The following ANKRD28 variants were observed in gnomAD, a reference collection of about 807,000 sequenced individuals.
ANKRD28 encodes ankyrin repeat domain 28, also known as serine/threonine-protein phosphatase 6 regulatory ankyrin repeat subunit A.
In ANKRD28, 44 loss-of-function variants were observed where a neutral mutation model predicts 126.5. That is an observed-to-expected ratio of 0.35 (90% confidence interval 0.27 to 0.45). The LOEUF (loss-of-function observed/expected upper bound fraction) is 0.45. ANKRD28 is among the 20% of genes least tolerant of loss of function. The pLI, the probability that ANKRD28 is intolerant of heterozygous loss-of-function variation, is 1.00. For missense variants in ANKRD28, 1,110 were observed against 1,316.6 expected, an observed-to-expected ratio of 0.84 and a Z score of 2.43; for synonymous variants, 442 against 468.5, an observed-to-expected ratio of 0.94 and a Z score of 0.73.
At chr3:15,852,998 G>A (rs1356927725) in intron 1 of ANKRD28, among the ~76,000 whole-genome samples, 7 of 151,820 alleles carry the variant, frequency 4.6e-5, no homozygotes, top group South Asian at 2.1e-4. Context: ...AATCAGTATC[G>A]CTTAAGGAGG....
chr3:15,727,272 T>C (rs2074238539), intron 6 of ANKRD28, among the ~76,000 whole-genome samples: 1 of 152,110 alleles, frequency 6.6e-6, no homozygotes, highest in South Asian at 2.1e-4. Flanking sequence ...TTCATCATTC[T>C]AGATGCCATT....
intron 1 of ANKRD28, among the ~76,000 whole-genome samples, chr3:15,825,802 C>T (rs1403131671): frequency 6.6e-6 from 1 of 152,112 alleles, no homozygotes; most frequent in Admixed American, 6.5e-5. Context: ...AAAAAATAGG[C>T]AATTCACAAA....
At chr3:15,783,231 C>T (rs1437520826) in intron 2 of ANKRD28, among the ~76,000 whole-genome samples, 3 of 151,678 alleles carry the variant, frequency 2.0e-5, no homozygotes, top group Non-Finnish European at 4.4e-5. Flanking sequence ...ATTAAAAAAA[C>T]TCACAAGAAC....
chr3:15,735,453 A>G lies in ANKRD28; in HGVS notation c.597T>C (p.Phe199=). 1 of 1,560,696 alleles carries G rather than the reference A, an allele frequency of 6.4e-7. No individual in the cohort carries two copies. ...GGATAGCACGCCTATCTTTCTTGTC[A>G]AAAGCATTAATATTGGCACCTCTAG... ...LLSRGANINA[F]DKKDRRAIHW... is the part of the protein sequence containing the mutation. The change falls in exon 6 of 28, where the codon TTT becomes TTC. Residue 199 remains phenylalanine (F), a synonymous_variant. Transcript: ENST00000683139.
At chr3:15,695,549 T>C (rs78183492) in intron 15 of ANKRD28, among the ~76,000 whole-genome samples, 2,296 of 152,288 alleles carry the variant, frequency 0.015, 28 homozygotes, top group Non-Finnish European at 0.025. Context: ...CAAAGTTTAA[T>C]GTAATTTATA....
chr3:15,718,040 T>G (rs562119815), intron 8 of ANKRD28, among the ~76,000 whole-genome samples: 1 of 152,138 alleles, frequency 6.6e-6, no homozygotes, highest in African/African-American at 2.4e-5. Context: ...AAAGGGCAAG[T>G]GTAAAGTGTC....
intron 1 of ANKRD28, among the ~76,000 whole-genome samples, chr3:15,823,787 CATT>C (rs1268605959): frequency 6.6e-6 from 1 of 152,098 alleles, no homozygotes. Flanking sequence ...TAATATATCA[CATT>C]AATAAAATGA....
At chr3:15,803,396 A>T (rs902883891) in intron 1 of ANKRD28, among the ~76,000 whole-genome samples, 1 of 152,104 alleles carries the variant, frequency 6.6e-6, no homozygotes, top group Non-Finnish European at 1.5e-5. Context: ...ACGTGGGCGG[A>T]TCATGAGGTC....
At chr3:15,777,903 C>CACACACA (rs1553631647) in intron 2 of ANKRD28, among the ~76,000 whole-genome samples, 120 of 148,922 alleles carry the variant, frequency 8.1e-4, no homozygotes, top group Middle Eastern at 6.8e-3. Flanking sequence ...CACACACACA[C>CACACACA]CCTCTCCGCC....
chr3:15,721,165 T>C lies in ANKRD28; in HGVS notation c.784-38A>G, dbSNP rs774451681. The stretch of plus-strand genomic sequence containing the variant: ...AAAAAAATGCGAATGTTAAAGTAGT[T>C]TTGCTAATTATCAATGTTGTGAGCT... On this transcript the variant is annotated intron_variant, in intron 7 of 27. Transcript: ENST00000683139. 6.4e-6 allele frequency: 10 copies of C among 1,563,360 alleles called. No individual in the cohort carries two copies. In the Admixed American group the frequency reaches 1.4e-4, roughly 23 times the overall value.
At chr3:15,835,232 C>T (rs1029532749) in intron 1 of ANKRD28, among the ~76,000 whole-genome samples, 1 of 152,178 alleles carries the variant, frequency 6.6e-6, no homozygotes, top group African/African-American at 2.4e-5. Flanking sequence ...TTTCAATACA[C>T]ACCTCATTCC....
At position 15,667,270 on chromosome 3, in the gene ANKRD28, G is replaced by A. The variant is rs1432336734; in HGVS notation, c.*3000C>T. 2.0e-5 allele frequency: 3 copies of A among 152,154 alleles called. No individual in the cohort carries two copies. In the East Asian group the frequency reaches 5.8e-4, roughly 29 times the overall value. 9.4% of individuals were successfully genotyped at this position (152,154 alleles called of 1,614,324 possible). On this transcript the variant is annotated 3_prime_UTR_variant, in exon 28 of 28. Transcript: ENST00000683139. ...TTAAAAAACTTTATTTCTTTTAAAAGGTCCAATATAAGCCAAATTAACCCC... is the reference window on the plus strand; with the variant it reads ...TTAAAAAACTTTATTTCTTTTAAAAAGTCCAATATAAGCCAAATTAACCCC...
intron 14 of ANKRD28, among the ~76,000 whole-genome samples, chr3:15,704,878 C>A (rs142317144): frequency 2.0e-5 from 3 of 152,260 alleles, no homozygotes; most frequent in East Asian, 3.9e-4. Flanking sequence ...ACTCGACAGG[C>A]TCTCTGGGAT....
chr3:15,763,752 G>A (rs2058608585), intron 3 of ANKRD28, among the ~76,000 whole-genome samples: 1 of 152,218 alleles, frequency 6.6e-6, no homozygotes, highest in Non-Finnish European at 1.5e-5. Flanking sequence ...GAGAGTAGCA[G>A]GAATTCAAGT....
intron 1 of ANKRD28, among the ~76,000 whole-genome samples, chr3:15,836,193 A>G (rs1387321033): frequency 6.6e-6 from 1 of 152,062 alleles, no homozygotes; most frequent in Non-Finnish European, 1.5e-5. Context: ...TAAAAGATAA[A>G]CTCTATACAA....
At chr3:15,751,702 T>C in intron 4 of ANKRD28, 48 bp downstream of exon 4, 1 of 1,209,660 alleles carries the variant, frequency 8.3e-7, no homozygotes, top group African/African-American at 1.5e-5. Context: ...GGGGTACGCC[T>C]ATTTAATGTT....
At chr3:15,717,367 A>C (rs2073189573) in intron 8 of ANKRD28, among the ~76,000 whole-genome samples, 1 of 152,108 alleles carries the variant, frequency 6.6e-6, no homozygotes, top group Admixed American at 6.5e-5. Context: ...TAAGTATACA[A>C]AGGAAAAAGA....
intron 14 of ANKRD28, among the ~76,000 whole-genome samples, chr3:15,701,779 G>T (rs1324982790): frequency 1.3e-5 from 2 of 152,130 alleles, no homozygotes; most frequent in African/African-American, 4.8e-5. Flanking sequence ...AACTAATTCT[G>T]AGGACATGTC....
In ANKRD28 at chr3:15,698,177, C is replaced by A. The variant is rs189864246; in HGVS notation, c.1548-1932G>T. Among the ~76,000 whole-genome samples the A allele has an allele frequency of 6.9e-3, 1,057 of 152,146 alleles. 14 individuals carry two copies. The highest frequency in any genetic ancestry group is 0.024 in the African/African-American group (1,010 of 41,512). The stretch of plus-strand genomic sequence containing the variant: ...CAATAGATGCAGAAAAGGCCTTCGA[C>A]AAAATTCAACAGCACTTCATGCTAA... On this transcript the variant is annotated intron_variant, in intron 14 of 27. Coordinates refer to ENST00000683139, the MANE Select transcript of ANKRD28 (RefSeq NM_001349278.2).
Sources: allele counts gnomAD v4.1 joint callset (sites outside exome capture counted in the v4.1 genomes callset), GRCh38; gene constraint gnomAD v4.1.1; transcripts MANE v1.5; gene names NCBI Gene and HGNC (gene_info 2026-07-23, HGNC 2026-07-21).